TMEM135: variants seen among roughly 807,000 people sequenced by gnomAD.
The protein encoded by TMEM135 is peroxisomal membrane protein 52.
Under a neutral mutation model 60.3 loss-of-function variants are expected in TMEM135, and 30 were observed. That is an observed-to-expected ratio of 0.50 (90% CI 0.37 to 0.68). TMEM135 has a LOEUF of 0.68. Among genes scored for constraint, TMEM135 ranks in the 30% least tolerant of loss-of-function variants. TMEM135 has a pLI of 0.00. For synonymous variants in TMEM135, 190 were observed against 186.7 expected (o/e 1.02, Z -0.14); for missense variants, 468 against 548.8 (o/e 0.85, Z 1.47).
intron 6 of TMEM135, among the ~76,000 whole-genome samples, chr11:87,265,644 C>G (rs943022316): frequency 6.6e-6 from 1 of 151,966 alleles, no homozygotes; most frequent in African/African-American, 2.4e-5. Flanking sequence ...AATCAGCCAC[C>G]ATTTGATAGC....
rs1262878842 is a variant in TMEM135 at position 87,321,805 on chromosome 11, G to A, written c.*472G>A. On this transcript the variant is annotated 3_prime_UTR_variant, in exon 15 of 15. Transcript: ENST00000305494. ...AAGTTTTGAATTGGTATCTGTAGTA[G>A]TGGAATGTTATAGATTTGAAGTAAC... The A allele has an allele frequency of 4.4e-6, 2 of 454,404 alleles. No individual in the cohort carries two copies. Among genetic ancestry groups the A allele is most frequent in the African/African-American group, 4.0e-5 (2 of 49,982 alleles). The allele number at this position is 454,404 out of a possible 1,614,324, so 28.1% of individuals were successfully genotyped here. A position where few individuals can be genotyped will look rare whatever the true frequency, so the allele number is the denominator to read the frequency against.
intron 6 of TMEM135, among the ~76,000 whole-genome samples, chr11:87,257,997 C>T (rs890378238): frequency 6.6e-6 from 1 of 151,966 alleles, no homozygotes; most frequent in African/African-American, 2.4e-5. Flanking sequence ...ACCATATGTA[C>T]GTCTAAGTCC....
rs752280106 is a variant in TMEM135 at position 87,309,702 on chromosome 11, G to A, written c.936+30G>A. The A allele has an allele frequency of 3.7e-6, 6 of 1,607,102 alleles. No homozygotes were observed. The African/African-American group carries it at 6.7e-5, about 18-fold the overall frequency. ...GGCTTTTAGAAGAGGAAAGAAAAAT[G>A]GGAAATAAATAACATTGCTATTGTT... On this transcript the variant is annotated intron_variant, in intron 10 of 14. Transcript: ENST00000305494.
At chr11:87,053,884 T>C (rs2135118635) in intron 1 of TMEM135, among the ~76,000 whole-genome samples, 1 of 152,354 alleles carries the variant, frequency 6.6e-6, no homozygotes, top group South Asian at 2.1e-4. Context: ...GATATGCTCT[T>C]AATGTTGTGA....
intron 3 of TMEM135, among the ~76,000 whole-genome samples, chr11:87,089,589 A>G (rs1418601868): frequency 6.6e-6 from 1 of 152,154 alleles, no homozygotes; most frequent in Non-Finnish European, 1.5e-5. Flanking sequence ...TCTCTCACAG[A>G]AAGTAAAGAA....
intron 4 of TMEM135, among the ~76,000 whole-genome samples, chr11:87,116,916 G>C (rs770878779): frequency 5.3e-5 from 8 of 151,654 alleles, no homozygotes; most frequent in Admixed American, 5.3e-4. Flanking sequence ...TCCGCCTTTT[G>C]GGTTCAAATG....
At position 87,122,470 on chromosome 11, in the gene TMEM135, A is replaced by T. The variant is rs542724202; in HGVS notation, c.396+31075A>T. ...TTATTTATTTATTTATTTATTATTT[A>T]TTTTTTTTGAGATGGAGTCTTGCTC... is the stretch of plus-strand genomic sequence containing the variant. On this transcript the variant is annotated intron_variant, in intron 4 of 14. Transcript: ENST00000305494. 6.9e-5 allele frequency among the ~76,000 whole-genome samples: 10 copies of T among 144,982 alleles called. No homozygotes were observed. The East Asian group carries it at 1.4e-3, about 20-fold the overall frequency.
chr11:87,165,970 G>T (rs529715988), intron 5 of TMEM135, among the ~76,000 whole-genome samples: 10 of 150,214 alleles, frequency 6.7e-5, no homozygotes, highest in African/African-American at 2.2e-4. Context: ...ACCTCTACGC[G>T]AATGAACTAG....
intron 6 of TMEM135, among the ~76,000 whole-genome samples, chr11:87,249,393 ATTGAT>A (rs951318550): frequency 1.5e-4 from 23 of 151,850 alleles, no homozygotes; most frequent in Admixed American, 2.6e-4. Flanking sequence ...TATCACATTG[ATTGAT>A]TTATCTTTTC....
chr11:87,092,490 A>G (rs1309262631), intron 4 of TMEM135, among the ~76,000 whole-genome samples: 2 of 152,166 alleles, frequency 1.3e-5, no homozygotes, highest in African/African-American at 4.8e-5. Context: ...ACCACCAATT[A>G]AGAAAGCCTA....
At chr11:87,298,049 C>G (rs1001609174) in intron 7 of TMEM135, among the ~76,000 whole-genome samples, 6 of 152,194 alleles carry the variant, frequency 3.9e-5, no homozygotes, top group African/African-American at 4.8e-5. Context: ...ATGTGTGCTT[C>G]TTGTAGGCTT....
chr11:87,044,904 C>G lies in TMEM135; in HGVS notation c.141+6718C>G, dbSNP rs555406560. Among the ~76,000 whole-genome samples the G allele has an allele frequency of 7.9e-5, 12 of 152,126 alleles. 1 individual carries two copies. In the South Asian group the frequency reaches 2.5e-3, roughly 32 times the overall value. ...CCTCGTGATCCACCCACCTCAGCCT[C>G]CCAAAGTGCTGGGATTACAGGCGTA... On this transcript the variant is annotated intron_variant, in intron 1 of 14. Coordinates refer to ENST00000305494, the MANE Select transcript of TMEM135 (RefSeq NM_022918.4).
chr11:87,042,331 C>G (rs552050505), intron 1 of TMEM135, among the ~76,000 whole-genome samples: 1 of 152,282 alleles, frequency 6.6e-6, no homozygotes, highest in Admixed American at 6.5e-5. Flanking sequence ...AGGACCCTCT[C>G]TGGAATGGGG....
At chr11:87,317,152 A>G (rs1942747138) in intron 12 of TMEM135, among the ~76,000 whole-genome samples, 1 of 152,034 alleles carries the variant, frequency 6.6e-6, no homozygotes, top group Non-Finnish European at 1.5e-5. Context: ...AGTATAGGAT[A>G]TGGTTTCTGT....
At chr11:87,085,485 G>A (rs1171282321) in intron 3 of TMEM135, among the ~76,000 whole-genome samples, 2 of 152,160 alleles carry the variant, frequency 1.3e-5, no homozygotes, top group African/African-American at 2.4e-5. Flanking sequence ...GGCCAGGTGC[G>A]GTGGCTCATG....
At chr11:87,270,613 C>A (rs548822174) in intron 6 of TMEM135, among the ~76,000 whole-genome samples, 2 of 152,208 alleles carry the variant, frequency 1.3e-5, no homozygotes, top group East Asian at 3.9e-4. Context: ...GGAATTAAAT[C>A]ATTCCCACCA....
chr11:87,268,405 C>A (rs1017942819), intron 6 of TMEM135, among the ~76,000 whole-genome samples: 1 of 151,906 alleles, frequency 6.6e-6, no homozygotes, highest in African/African-American at 2.4e-5. Context: ...TGTGAACCAC[C>A]ATGCCAGGCC....
intron 7 of TMEM135, among the ~76,000 whole-genome samples, chr11:87,300,965 T>G (rs538751795): frequency 1.3e-5 from 2 of 152,358 alleles, no homozygotes; most frequent in South Asian, 4.1e-4. Flanking sequence ...CTGTTCTATC[T>G]GTTCTGGCAT....
intron 5 of TMEM135, among the ~76,000 whole-genome samples, chr11:87,203,158 G>T (rs1940158775): frequency 6.7e-6 from 1 of 148,394 alleles, no homozygotes; most frequent in African/African-American, 2.5e-5. Flanking sequence ...TTAACATCCC[G>T]CACCAGACTG....
Sources: allele counts gnomAD v4.1 joint callset (sites outside exome capture counted in the v4.1 genomes callset), GRCh38; gene constraint gnomAD v4.1.1; transcripts MANE v1.5; gene names NCBI Gene and HGNC (gene_info 2026-07-23, HGNC 2026-07-21).